STOX1: variants seen among roughly 807,000 people sequenced by gnomAD.
STOX1 encodes storkhead-box protein 1.
STOX1 carries 57 observed loss-of-function variants against 74.8 expected under a neutral mutation model. That is an observed-to-expected ratio of 0.76 (90% CI 0.62 to 0.95). STOX1 has a LOEUF of 0.95. Among genes scored for constraint, STOX1 ranks in the 40% least tolerant of loss-of-function variants. The pLI is 0.00. For synonymous variants in STOX1, 375 were observed against 401.3 expected, an observed-to-expected ratio of 0.93 and a Z score of 0.78; for missense variants, 1,010 against 1,117.0, an observed-to-expected ratio of 0.90 and a Z score of 1.37.
At chr10:68,876,768 A>C (rs1840690798) in intron 1 of STOX1, among the ~76,000 whole-genome samples, 1 of 152,168 alleles carries the variant, frequency 6.6e-6, no homozygotes, top group African/African-American at 2.4e-5. Flanking sequence ...GCTGGCCTCG[A>C]CTGAAGAGTG....
At chr10:68,829,000 G>A (rs1271338071) in intron 1 of STOX1, 11 of 985,260 alleles carry the variant, frequency 1.1e-5, no homozygotes, top group Middle Eastern at 5.2e-4. Flanking sequence ...AGGCAGGTGT[G>A]TCAGCTCCCT....
intron 1 of STOX1, among the ~76,000 whole-genome samples, chr10:68,837,870 C>A (rs1839596183): frequency 6.6e-6 from 1 of 152,240 alleles, no homozygotes; most frequent in African/African-American, 2.4e-5. Context: ...ACCATCTATG[C>A]AAACACTTTG....
rs776929021 is a variant in STOX1 at position 68,885,223 on chromosome 10, T to C, written c.1427T>C (p.Leu476Pro). 3.7e-6 allele frequency: 6 copies of C among 1,614,180 alleles called. 1 individual carries two copies. In the South Asian group the frequency reaches 5.5e-5, roughly 15 times the overall value. Reference protein sequence around the residue: ...SPNEMVGQKPLGEITTVLGSH... With the variant: ...SPNEMVGQKPPGEITTVLGSH... The stretch of plus-strand genomic sequence containing the variant: ...AATGAAATGGTAGGTCAGAAACCAC[T>C]TGGTGAGATTACAACAGTGCTAGGT... The change falls in exon 3 of 4, where the codon CTT becomes CCT. Residue 476 changes from leucine to proline, a missense_variant. Coordinates refer to ENST00000298596, the MANE Select transcript of STOX1 (RefSeq NM_152709.5).
At chr10:68,850,560 T>G (rs1303920305) in intron 1 of STOX1, among the ~76,000 whole-genome samples, 2 of 152,266 alleles carry the variant, frequency 1.3e-5, no homozygotes, top group Non-Finnish European at 2.9e-5. Flanking sequence ...AGACAGTGCC[T>G]TCTATTTCCA....
rs577080998 is a variant in STOX1, at chr10:68,838,632, C to T, written c.310+10699C>T. Among the ~76,000 whole-genome samples the T allele has an allele frequency of 9.2e-5, 14 of 152,046 alleles. No homozygotes were observed. In the South Asian group the frequency reaches 2.9e-3, roughly 32 times the overall value. ...TATGTTGAAAAAAAGTGGCAAGAGC[C>T]GGGCGCGGTGGCTCATGCCTGTAAT... On this transcript the variant is annotated intron_variant, in intron 1 of 3. Coordinates refer to ENST00000298596, the MANE Select transcript of STOX1 (RefSeq NM_152709.5).
chr10:68,843,234 G>A (rs1038445332), intron 1 of STOX1, among the ~76,000 whole-genome samples: 9 of 151,836 alleles, frequency 5.9e-5, no homozygotes, highest in Admixed American at 5.9e-4. Context: ...GTCTCACTCT[G>A]TTCCCCAGAC....
chr10:68,850,637 TGTG>T lies in STOX1; in HGVS notation c.310+22710_310+22712del, dbSNP rs546124378. Among the ~76,000 whole-genome samples the T allele has an allele frequency of 9.8e-5, 15 of 152,308 alleles. No individual in the cohort carries two copies. The South Asian group carries it at 2.1e-3, about 21-fold the overall frequency. ...TCCCAAAGTGTGGCATGTATATTAT[TGTG>T]GTGGTCATTGTGGTGGTGCACAAGT... On this transcript the variant is annotated intron_variant, in intron 1 of 3. Coordinates refer to ENST00000298596, the MANE Select transcript of STOX1 (RefSeq NM_152709.5).
At chr10:68,880,462 G>A (rs1840790515) in intron 1 of STOX1, among the ~76,000 whole-genome samples, 1 of 152,082 alleles carries the variant, frequency 6.6e-6, no homozygotes, top group Non-Finnish European at 1.5e-5. Flanking sequence ...AGCCACTGTG[G>A]CCAGGCTGAA....
chr10:68,828,656 G>A (rs1839328664), intron 1 of STOX1, among the ~76,000 whole-genome samples: 1 of 152,204 alleles, frequency 6.6e-6, no homozygotes, highest in South Asian at 2.1e-4. Flanking sequence ...GGGTACCCCA[G>A]GGGAATGGCC....
rs377656965 is a variant in STOX1, at chr10:68,882,029, T to C, written c.382T>C (p.Cys128Arg). 2.1e-5 allele frequency: 34 copies of C among 1,613,888 alleles called. No homozygotes were observed. Among genetic ancestry groups the C allele is most frequent in the Non-Finnish European group, 2.8e-5 (33 of 1,179,950 alleles). The change falls in exon 2 of 4, where the codon TGT becomes CGT. Residue 128 changes from cysteine to arginine, a missense_variant. Coordinates refer to ENST00000298596, the MANE Select transcript of STOX1 (RefSeq NM_152709.5). ...QFVPLGEVLC[C>R]AISDMNTAQI... ...CGTACCTTTGGGTGAAGTTCTTTGC[T>C]GTGCTATATCTGATATGAATACAGC...
intron 1 of STOX1, among the ~76,000 whole-genome samples, chr10:68,836,016 C>T (rs1428134006): frequency 3.3e-5 from 5 of 152,156 alleles, no homozygotes; most frequent in African/African-American, 9.7e-5. Context: ...GGATTACAGG[C>T]GCGTGCCACC....
chr10:68,865,440 G>A (rs1384575352), intron 1 of STOX1, among the ~76,000 whole-genome samples: 2 of 152,014 alleles, frequency 1.3e-5, no homozygotes, highest in African/African-American at 2.4e-5. Context: ...ACGAGGTCAG[G>A]AGATTGAGAC....
chr10:68,827,569 A>G lies in STOX1; in HGVS notation c.-55A>G, dbSNP rs1230824833. 3 of 1,073,798 alleles carry G rather than the reference A, an allele frequency of 2.8e-6. No homozygotes were observed. The highest frequency in any genetic ancestry group is 4.5e-5 in the South Asian group (1 of 22,296). 66.5% of individuals were successfully genotyped at this position (1,073,798 alleles called of 1,614,324 possible). A position where few individuals can be genotyped will look rare whatever the true frequency, so the allele number is the denominator to read the frequency against. ...CCTCCCGCCGAGCGAGCGGCGTCGT[A>G]GCCGCCGCGCTCGCCGAGGCCCTGC... On this transcript the variant is annotated 5_prime_UTR_variant, in exon 1 of 4. Transcript: ENST00000298596.
At chr10:68,883,352 TTGTC>T (rs1030450630) in intron 2 of STOX1, among the ~76,000 whole-genome samples, 3 of 152,184 alleles carry the variant, frequency 2.0e-5, no homozygotes, top group African/African-American at 7.2e-5. Flanking sequence ...CAGATTTTTT[TTGTC>T]TATTTACTCA....
At chr10:68,870,942 T>C (rs1264589623) in intron 1 of STOX1, among the ~76,000 whole-genome samples, 1 of 152,236 alleles carries the variant, frequency 6.6e-6, no homozygotes, top group East Asian at 1.9e-4. Flanking sequence ...CCAGAGCTTC[T>C]GACCTATAGA....
chr10:68,835,424 G>T (rs1387209427), intron 1 of STOX1, among the ~76,000 whole-genome samples: 1 of 152,184 alleles, frequency 6.6e-6, no homozygotes, highest in Non-Finnish European at 1.5e-5. Flanking sequence ...CTGGGCTAAA[G>T]TGATCCTCCC....
At chr10:68,882,210 C>T (rs1055326297) in intron 2 of STOX1, 100 bp downstream of exon 2, 11 of 1,187,648 alleles carry the variant, frequency 9.3e-6, no homozygotes, top group Admixed American at 1.8e-5. Context: ...ATCCTTTTTT[C>T]CCCTCTTCTA....
At chr10:68,881,603 G>GA (rs1297218504) in intron 1 of STOX1, among the ~76,000 whole-genome samples, 1 of 152,100 alleles carries the variant, frequency 6.6e-6, no homozygotes, top group Non-Finnish European at 1.5e-5. Flanking sequence ...TAGCTAATAT[G>GA]AAAAAATAGT....
intron 1 of STOX1, among the ~76,000 whole-genome samples, chr10:68,852,668 C>T (rs1840018458): frequency 6.6e-6 from 1 of 151,714 alleles, no homozygotes; most frequent in Non-Finnish European, 1.5e-5. Context: ...ACTGCAGCCT[C>T]AGCTCCTGGG....
Sources: allele counts gnomAD v4.1 joint callset (sites outside exome capture counted in the v4.1 genomes callset), GRCh38; gene constraint gnomAD v4.1.1; transcripts MANE v1.5; gene names NCBI Gene and HGNC (gene_info 2026-07-23, HGNC 2026-07-21).